Variants in SPATA6 observed in about 807,000 individuals in gnomAD.
The protein encoded by SPATA6 is spermatogenesis associated 6, also known as spermatogenesis-associated protein 6.
Under a neutral mutation model 65.3 loss-of-function variants are expected in SPATA6, and 56 were observed. The observed-to-expected ratio is 0.86, with a 90% CI of 0.69 to 1.07. SPATA6 has a LOEUF of 1.07. Ranked by LOEUF, SPATA6 falls within the 50% of genes least tolerant of loss-of-function variation. The probability of loss-of-function intolerance (pLI) is 0.00; values close to 1 mark genes in which losing one functional copy is unlikely to be tolerated. For synonymous variants in SPATA6, 199 were observed against 213.2 expected (o/e 0.93, Z 0.58); for missense variants, 590 against 594.8 (o/e 0.99, Z 0.08).
At chr1:48,382,317 G>A (rs1648744938) in intron 9 of SPATA6, among the ~76,000 whole-genome samples, 2 of 67,534 alleles carry the variant, frequency 3.0e-5, no homozygotes, top group East Asian at 5.0e-4. Flanking sequence ...CGGATGGGGC[G>A]GCTGGCCGGG....
At chr1:48,433,209 G>A in intron 3 of SPATA6, among the ~76,000 whole-genome samples, 1 of 152,004 alleles carries the variant, frequency 6.6e-6, no homozygotes, top group Non-Finnish European at 1.5e-5. Flanking sequence ...GCTGCATGGT[G>A]GTAATGGGTG....
chr1:48,427,603 A>G (rs1044503213), intron 3 of SPATA6, among the ~76,000 whole-genome samples: 1 of 152,238 alleles, frequency 6.6e-6, no homozygotes, highest in Non-Finnish European at 1.5e-5. Context: ...TAATTTTGAT[A>G]TAAGTAAAAA....
At chr1:48,431,871 G>A (rs1654436532) in intron 3 of SPATA6, among the ~76,000 whole-genome samples, 1 of 152,192 alleles carries the variant, frequency 6.6e-6, no homozygotes, top group African/African-American at 2.4e-5. Context: ...AGCACTTTGG[G>A]AGGCCAAGGT....
At chr1:48,404,688 C>T (rs1054069607) in intron 5 of SPATA6, among the ~76,000 whole-genome samples, 7 of 152,222 alleles carry the variant, frequency 4.6e-5, no homozygotes, top group South Asian at 2.1e-4. Flanking sequence ...CCCAGTTCCT[C>T]GGCATGTAGT....
At chr1:48,427,992 T>C (rs1265301436) in intron 3 of SPATA6, among the ~76,000 whole-genome samples, 1 of 152,236 alleles carries the variant, frequency 6.6e-6, no homozygotes, top group Non-Finnish European at 1.5e-5. Flanking sequence ...TTTGGTTTTC[T>C]GCTTTTGCAT....
the SPATA6 span, among the ~76,000 whole-genome samples, chr1:48,278,700 A>C: frequency 6.6e-6 from 1 of 152,218 alleles, no homozygotes; most frequent in Non-Finnish European, 1.5e-5. Flanking sequence ...CCGAATCTAC[A>C]TCTGATTGGC....
At chr1:48,266,322 CTATT>C in the SPATA6 span, among the ~76,000 whole-genome samples, 1 of 152,162 alleles carries the variant, frequency 6.6e-6, no homozygotes, top group African/African-American at 2.4e-5. Flanking sequence ...GTTCTATAGA[CTATT>C]TATGAGAAAA....
intron 11 of SPATA6, among the ~76,000 whole-genome samples, chr1:48,333,689 AAGTT>A (rs148416927): frequency 0.013 from 2,019 of 152,270 alleles, 58 homozygotes; most frequent in African/African-American, 0.046. Context: ...CTGCATCAAA[AAGTT>A]AGAAAGATCT....
the SPATA6 span, among the ~76,000 whole-genome samples, chr1:48,264,894 T>C: frequency 6.6e-6 from 1 of 152,172 alleles, no homozygotes; most frequent in African/African-American, 2.4e-5. Context: ...GTAATGGGAT[T>C]GTTGGGTCAA....
chr1:48,263,964 G>A, the SPATA6 span, among the ~76,000 whole-genome samples: 1 of 151,936 alleles, frequency 6.6e-6, no homozygotes, highest in Non-Finnish European at 1.5e-5. Flanking sequence ...AGTAGCTAAG[G>A]CTACAGGCAC....
intron 8 of SPATA6, among the ~76,000 whole-genome samples, chr1:48,393,677 G>A (rs926244981): frequency 3.9e-5 from 6 of 152,070 alleles, no homozygotes; most frequent in Non-Finnish European, 7.4e-5. Context: ...CATGGACTGG[G>A]TAGCTTAAAG....
chr1:48,362,343 A>C (rs1877719), intron 9 of SPATA6, among the ~76,000 whole-genome samples: 124,986 of 152,116 alleles, frequency 0.82, 51,704 homozygotes, highest in Middle Eastern at 0.91. Context: ...ATACGAACCA[A>C]TTGGCCTGGA....
chr1:48,417,607 A>T (rs1267533109), intron 3 of SPATA6, among the ~76,000 whole-genome samples: 1 of 152,072 alleles, frequency 6.6e-6, no homozygotes, highest in Non-Finnish European at 1.5e-5. Context: ...CAAGGTCAGG[A>T]GTTCGAGTCC....
intron 2 of SPATA6, 80 bp downstream of exon 2, chr1:48,452,914 T>G (rs1488118348): frequency 1.4e-6 from 2 of 1,477,216 alleles, no homozygotes; most frequent in Admixed American, 4.5e-5. Context: ...AGTAATAATT[T>G]GTGTTATAGG....
At chr1:48,267,576 A>C in the SPATA6 span, among the ~76,000 whole-genome samples, 1 of 151,950 alleles carries the variant, frequency 6.6e-6, no homozygotes, top group Non-Finnish European at 1.5e-5. Context: ...ACTCTCCTCC[A>C]ACCACTGCTG....
At chr1:48,361,642 GCTAT>G (rs1646816967) in intron 9 of SPATA6, among the ~76,000 whole-genome samples, 1 of 152,086 alleles carries the variant, frequency 6.6e-6, no homozygotes, top group Admixed American at 6.6e-5. Context: ...CATTTAGACA[GCTAT>G]CTAATTCTTC....
intron 7 of SPATA6, 119 bp downstream of exon 7, chr1:48,399,231 CA>C: frequency 8.6e-7 from 1 of 1,162,626 alleles, no homozygotes; most frequent in Non-Finnish European, 1.2e-6. Flanking sequence ...GCTAGGGTAG[CA>C]GTCAGAAGAG....
At chr1:48,385,962 A>G (rs2147868604) in intron 8 of SPATA6, among the ~76,000 whole-genome samples, 1 of 152,298 alleles carries the variant, frequency 6.6e-6, no homozygotes, top group East Asian at 1.9e-4. Flanking sequence ...GTAAGGCACT[A>G]AAATAGAAAT....
In SPATA6 at chr1:48,469,795, T is replaced by C. The variant is rs76789346; in HGVS notation, c.51+2163A>G. Among the ~76,000 whole-genome samples, 2,871 of 148,878 alleles carry C rather than the reference T, an allele frequency of 0.019. 103 individuals carry two copies. In the East Asian group the frequency reaches 0.19, roughly 10 times the overall value. Reference sequence around the variant, plus strand: ...CATGTTTAACTTTTACGTCTGCTAGTGGGGTTTTTTTTGTGGGGGGGGCGG... The same window carrying C: ...CATGTTTAACTTTTACGTCTGCTAGCGGGGTTTTTTTTGTGGGGGGGGCGG... On this transcript the variant is annotated intron_variant, in intron 1 of 12. Transcript: ENST00000371847.
Sources: allele counts gnomAD v4.1 joint callset (sites outside exome capture counted in the v4.1 genomes callset), GRCh38; gene constraint gnomAD v4.1.1; transcripts MANE v1.5; gene names NCBI Gene and HGNC (gene_info 2026-07-23, HGNC 2026-07-21).